FHIT: variants seen among roughly 807,000 people sequenced by gnomAD.
FHIT encodes the protein fragile histidine triad diadenosine triphosphatase, also known as bis(5'-adenosyl)-triphosphatase.
In FHIT, 19 loss-of-function variants were observed where a neutral mutation model predicts 17.9. The observed-to-expected ratio is 1.06, with a 90% CI of 0.74 to 1.56. FHIT has a LOEUF of 1.56. Among genes scored for constraint, FHIT ranks in the 40% most tolerant of loss-of-function variants. The pLI, the probability that FHIT is intolerant of heterozygous loss-of-function variation, is 0.00. For missense variants in FHIT, 248 were observed against 189.2 expected (o/e 1.31, Z -1.82); for synonymous variants, 81 against 69.7 (o/e 1.16, Z -0.81).
intron 8 of FHIT, among the ~76,000 whole-genome samples, chr3:59,861,922 G>GT (rs1395216120): frequency 1.3e-5 from 2 of 151,900 alleles, no homozygotes; most frequent in Non-Finnish European, 2.9e-5. Context: ...TAAAGTGTGT[G>GT]TTTTTTCCCC....
chr3:61,178,565 TA>T (rs11341318), intron 2 of FHIT, among the ~76,000 whole-genome samples: 150,492 of 150,834 alleles, frequency 1, 75,077 homozygotes, highest in East Asian at 1. Context: ...AATTATAGGT[TA>T]ATTCACACAG....
chr3:59,756,976 G>A (rs1330066387), intron 8 of FHIT, among the ~76,000 whole-genome samples: 1 of 152,100 alleles, frequency 6.6e-6, no homozygotes, highest in East Asian at 1.9e-4. Context: ...TTTCTTAGTA[G>A]TACATAAAAT....
At chr3:61,234,268 A>T (rs1402546045) in intron 1 of FHIT, among the ~76,000 whole-genome samples, 1 of 152,218 alleles carries the variant, frequency 6.6e-6, no homozygotes, top group Non-Finnish European at 1.5e-5. Context: ...GTGGCCCAGC[A>T]TTCCCACTCC....
chr3:60,474,913 G>A (rs3901943), intron 5 of FHIT, among the ~76,000 whole-genome samples: 47,720 of 152,002 alleles, frequency 0.31, 8,169 homozygotes, highest in East Asian at 0.54. Flanking sequence ...GTGAGCCACC[G>A]CACCTGGCCA....
chr3:59,973,492 T>C (rs1040557270), intron 7 of FHIT, among the ~76,000 whole-genome samples: 1 of 152,100 alleles, frequency 6.6e-6, no homozygotes, highest in Admixed American at 6.6e-5. Flanking sequence ...ATTCATCCCT[T>C]ACAACCCAAT....
intron 5 of FHIT, among the ~76,000 whole-genome samples, chr3:60,039,238 C>T (rs1042221352): frequency 6.6e-6 from 1 of 152,142 alleles, no homozygotes; most frequent in African/African-American, 2.4e-5. Context: ...GAAAGAAAAC[C>T]AAGAAAAGCC....
chr3:60,028,914 G>T (rs897692132), intron 5 of FHIT, among the ~76,000 whole-genome samples: 21 of 147,472 alleles, frequency 1.4e-4, no homozygotes, highest in African/African-American at 5.3e-4. Flanking sequence ...TGAAATATTG[G>T]AAGGAGATCC....
At chr3:60,282,816 C>T (rs1207059118) in intron 5 of FHIT, among the ~76,000 whole-genome samples, 1 of 151,970 alleles carries the variant, frequency 6.6e-6, no homozygotes, top group Non-Finnish European at 1.5e-5. Flanking sequence ...AGAAAACATA[C>T]CTAGGATGAT....
intron 8 of FHIT, among the ~76,000 whole-genome samples, chr3:59,840,306 G>A (rs1343802240): frequency 2.0e-5 from 3 of 151,376 alleles, no homozygotes; most frequent in South Asian, 2.1e-4. Context: ...ACCTATAGGG[G>A]CCCTTTGATA....
At chr3:60,547,821 A>G (rs1184857961) in intron 4 of FHIT, among the ~76,000 whole-genome samples, 2 of 152,168 alleles carry the variant, frequency 1.3e-5, no homozygotes, top group Non-Finnish European at 2.9e-5. Flanking sequence ...AGGGCTAGAT[A>G]GGCAACCTAA....
chr3:60,699,548 T>C (rs2041191091), intron 4 of FHIT, among the ~76,000 whole-genome samples: 1 of 152,158 alleles, frequency 6.6e-6, no homozygotes, highest in Non-Finnish European at 1.5e-5. Context: ...TGGTAATTTG[T>C]AAAGTATTTT....
intron 8 of FHIT, among the ~76,000 whole-genome samples, chr3:59,790,640 C>G (rs930800325): frequency 1.3e-5 from 2 of 152,116 alleles, no homozygotes; most frequent in African/African-American, 4.8e-5. Flanking sequence ...AAAACTGAAA[C>G]ACAGGCATCA....
At chr3:61,232,954 A>G (rs2040142080) in intron 1 of FHIT, among the ~76,000 whole-genome samples, 1 of 152,272 alleles carries the variant, frequency 6.6e-6, no homozygotes. Context: ...AATAACGTAC[A>G]TACATATTTG....
At chr3:60,166,553 T>C (rs150798343) in intron 5 of FHIT, among the ~76,000 whole-genome samples, 67 of 152,220 alleles carry the variant, frequency 4.4e-4, no homozygotes, top group African/African-American at 1.5e-3. Context: ...ACTATTATTA[T>C]CTCCAGTGGA....
At chr3:60,655,725 C>T (rs921903226) in intron 4 of FHIT, among the ~76,000 whole-genome samples, 1 of 152,142 alleles carries the variant, frequency 6.6e-6, no homozygotes, top group Non-Finnish European at 1.5e-5. Flanking sequence ...GGGAATTGAA[C>T]AAAAGTCCCC....
intron 4 of FHIT, among the ~76,000 whole-genome samples, chr3:60,628,820 T>C (rs569598877): frequency 6.6e-6 from 1 of 152,204 alleles, no homozygotes; most frequent in Non-Finnish European, 1.5e-5. Flanking sequence ...AGAGTTCTTA[T>C]GGACTGCTTC....
intron 5 of FHIT, among the ~76,000 whole-genome samples, chr3:60,094,333 T>C (rs539117601): frequency 6.6e-6 from 1 of 152,256 alleles, no homozygotes; most frequent in South Asian, 2.1e-4. Context: ...CTGAATATAT[T>C]TTGGGATGAC....
intron 8 of FHIT, among the ~76,000 whole-genome samples, chr3:59,781,940 GA>G (rs1702605274): frequency 6.6e-6 from 1 of 152,158 alleles, no homozygotes; most frequent in Non-Finnish European, 1.5e-5. Flanking sequence ...TTGCTATCAT[GA>G]CATATGCTCT....
intron 4 of FHIT, among the ~76,000 whole-genome samples, chr3:60,762,275 G>A (rs1553720203): frequency 6.6e-6 from 1 of 152,040 alleles, no homozygotes; most frequent in African/African-American, 2.4e-5. Context: ...GCATCTAGGA[G>A]TCATCAAAAA....
Sources: allele counts gnomAD v4.1 joint callset (sites outside exome capture counted in the v4.1 genomes callset), GRCh38; gene constraint gnomAD v4.1.1; transcripts MANE v1.5; gene names NCBI Gene and HGNC (gene_info 2026-07-23, HGNC 2026-07-21).